ELMO2: variants seen among roughly 807,000 people sequenced by gnomAD.
ELMO2 encodes engulfment and cell motility 2.
In ELMO2, 37 loss-of-function variants were observed where a neutral mutation model predicts 96.2. The ratio of observed to expected loss-of-function variants is 0.38; its 90% CI spans 0.30 to 0.51. The LOEUF is 0.51. Ranked by LOEUF, ELMO2 falls within the 20% of genes least tolerant of loss-of-function variation. The probability of loss-of-function intolerance (pLI) is 0.88; values close to 1 mark genes in which losing one functional copy is unlikely to be tolerated. For missense variants in ELMO2, 561 were observed against 912.6 expected, an observed-to-expected ratio of 0.61 and a Z score of 4.96; for synonymous variants, 315 against 329.4, an observed-to-expected ratio of 0.96 and a Z score of 0.47.
At chr20:46,376,451 G>A (rs907761012) in intron 11 of ELMO2, among the ~76,000 whole-genome samples, 3 of 151,322 alleles carry the variant, frequency 2.0e-5, no homozygotes, top group Non-Finnish European at 4.4e-5. Context: ...CACTGTCTCT[G>A]TGCCCCCACA....
chr20:46,383,287 C>A (rs2059988439), intron 10 of ELMO2, 129 bp downstream of exon 10: 4 of 994,380 alleles, frequency 4.0e-6, no homozygotes, highest in Middle Eastern at 2.1e-4. Flanking sequence ...GGGCTCCAGA[C>A]CAGACAGCTA....
Position 46,380,264 on chromosome 20 carries a change from T to C in ELMO2, c.796A>G (p.Ile266Val). The change falls in exon 11 of 22, where the codon ATA (isoleucine) becomes GTA (valine). Residue 266 changes from isoleucine (I) to valine (V), a missense_variant. By Grantham distance (29) the Ile-to-Val change is conservative. Coordinates refer to ENST00000290246, the MANE Select transcript of ELMO2 (RefSeq NM_133171.5). ...TTCCAGGAACTCACATTCAGGATTATAGACCGGAGATGCTTCTGTGCAAAT... is the reference window on the plus strand; with the variant it reads ...TTCCAGGAACTCACATTCAGGATTACAGACCGGAGATGCTTCTGTGCAAAT... ...NAFAQKHLRS[I>V]ILNHVIRGNR... 1.2e-6 allele frequency: 2 copies of C among 1,613,548 alleles called. No individual in the cohort carries two copies. Among genetic ancestry groups the C allele is most frequent in the South Asian group, 1.1e-5 (1 of 91,030 alleles).
At chr20:46,392,644 C>A (rs962465805) in intron 6 of ELMO2, among the ~76,000 whole-genome samples, 11 of 152,230 alleles carry the variant, frequency 7.2e-5, no homozygotes, top group African/African-American at 2.7e-4. Context: ...CTACAAGCCT[C>A]CAGCCACCCA....
intron 11 of ELMO2, among the ~76,000 whole-genome samples, chr20:46,377,960 A>G (rs2059893619): frequency 6.6e-6 from 1 of 151,912 alleles, no homozygotes. Flanking sequence ...CCTCACTCTG[A>G]GGTTTTCTTC....
At chr20:46,368,578 GAGCCCAGCTC>G (rs2059630342) in intron 21 of ELMO2, among the ~76,000 whole-genome samples, 1 of 152,252 alleles carries the variant, frequency 6.6e-6, no homozygotes, top group Non-Finnish European at 1.5e-5. Context: ...GTAATGTGGA[GAGCCCAGCTC>G]ACAGATAAAC....
At chr20:46,405,904 G>T (rs1044413530) in intron 1 of ELMO2, among the ~76,000 whole-genome samples, 1 of 152,122 alleles carries the variant, frequency 6.6e-6, no homozygotes, top group Non-Finnish European at 1.5e-5. Context: ...CAAAAAAAAA[G>T]GAAAGGTTTC....
rs533680571 is a variant in ELMO2, at chr20:46,376,688, CCTCT to C, written c.808-902_808-899del. On this transcript the variant is annotated intron_variant, in intron 11 of 21. Transcript: ENST00000290246. ...TCTTGCTCCCTTGTATTTGTCACTC[CCTCT>C]GTCTCACCCACCATTATGAATCCTG... 499 of 1,289,484 alleles carry C rather than the reference CCTCT, an allele frequency of 3.9e-4. 1 individual carries two copies. The African/African-American group carries it at 6.1e-3, about 16-fold the overall frequency. The allele number at this position is 1,289,484 out of a possible 1,614,324, so 79.9% of individuals were successfully genotyped here.
intron 9 of ELMO2, among the ~76,000 whole-genome samples, chr20:46,384,026 C>A (rs1175589008): frequency 6.6e-6 from 1 of 152,036 alleles, no homozygotes; most frequent in Non-Finnish European, 1.5e-5. Context: ...TTAGAAAAAT[C>A]TTTGACATGG....
intron 11 of ELMO2, 199 bp downstream of exon 11, chr20:46,380,054 G>A (rs1793096717): frequency 2.9e-5 from 14 of 487,922 alleles, no homozygotes; most frequent in Non-Finnish European, 5.2e-5. Context: ...GCAATTGCTG[G>A]TGAGATGGCT....
rs549948182 is a variant in ELMO2, at chr20:46,375,766, T to C, written c.832A>G (p.Ile278Val). 6.2e-6 allele frequency: 10 copies of C among 1,614,168 alleles called. No individual in the cohort carries two copies. The highest frequency in any genetic ancestry group is 1.1e-5 in the South Asian group (1 of 91,084). Residue 278 changes from isoleucine to valine, a missense_variant, in exon 12 of 22, where the codon ATC becomes GTC. Coordinates refer to ENST00000290246, the MANE Select transcript of ELMO2 (RefSeq NM_133171.5). The surrounding 1 kb of genome is among the most constrained non-coding windows in gnomAD (Gnocchi z 4.6). ...LNHVIRGNRP[I>V]KTEMAHQLYV... ...AGCTGATGGGCCATCTCAGTTTTGA[T>C]GGGGCGGTTCCCTCGGATCACATGC...
chr20:46,380,112 A>C, intron 11 of ELMO2, 141 bp downstream of exon 11: 1 of 672,058 alleles, frequency 1.5e-6, no homozygotes, highest in Non-Finnish European at 2.5e-6. Flanking sequence ...AAAGCTATTC[A>C]GTTCAAGAGG....
rs371401108 is a variant in ELMO2, at chr20:46,386,182, G to A, written c.619C>T (p.Leu207=). 12 of 1,614,062 alleles carry A rather than the reference G, an allele frequency of 7.4e-6. No homozygotes were observed. The African/African-American group carries it at 1.3e-4, about 18-fold the overall frequency. Residue 207 remains leucine (L), a synonymous_variant, in exon 9 of 22, where the codon CTG becomes TTG. Coordinates refer to ENST00000290246, the MANE Select transcript of ELMO2 (RefSeq NM_133171.5). ...LESMVLNSQS[L]YQKIAEEITV... ...ATTTCCTCGGCTATCTTCTGGTACA[G>A]ACTCTGGCTGTTCAAGACCATGCTC... is the stretch of plus-strand genomic sequence containing the variant.
chr20:46,373,302 T>C (rs2059769201), intron 16 of ELMO2, 97 bp downstream of exon 16: 5 of 1,541,628 alleles, frequency 3.2e-6, no homozygotes, highest in Non-Finnish European at 3.5e-6. Context: ...CAAGCTGCTT[T>C]TCCAGCTCAG....
At chr20:46,367,866 C>T (rs1469603509) in intron 21 of ELMO2, among the ~76,000 whole-genome samples, 1 of 151,994 alleles carries the variant, frequency 6.6e-6, no homozygotes, top group Non-Finnish European at 1.5e-5. Flanking sequence ...CCTGAAGTTA[C>T]CCAAAATCAG....
At chr20:46,406,443 A>T (rs1234548470) in intron 1 of ELMO2, 105 bp downstream of exon 1, 12 of 152,346 alleles carry the variant, frequency 7.9e-5, no homozygotes, top group Admixed American at 7.9e-4. Context: ...TCCGGAGCAG[A>T]CGCTAGCCGC....
Position 46,382,665 on chromosome 20 carries a change from C to A in ELMO2, c.756+751G>T, listed in dbSNP as rs1417077118. On this transcript the variant is annotated intron_variant, in intron 10 of 21. Coordinates refer to ENST00000290246, the MANE Select transcript of ELMO2 (RefSeq NM_133171.5). ...ATACTTAGTCCCAGGCCCCTCGGCT[C>A]TTAGGTCAGTGTTTGTTCCACCACC... is the stretch of plus-strand genomic sequence containing the variant. 2.0e-5 allele frequency among the ~76,000 whole-genome samples: 3 copies of A among 152,198 alleles called. No homozygotes were observed. In the East Asian group the frequency reaches 5.8e-4, roughly 29 times the overall value.
Position 46,380,306 on chromosome 20 carries a change from G to A in ELMO2, c.757-3C>T, listed in dbSNP as rs376008960. 1.2e-6 allele frequency: 2 copies of A among 1,612,474 alleles called. No homozygotes were observed. Among genetic ancestry groups the A allele is most frequent in the African/African-American group, 2.7e-5 (2 of 74,890 alleles). ...TGTGCAAATGCATTTGCCATATCCT[G>A]TGGAGGAAAATAAGCAAATATAAGG... is the stretch of plus-strand genomic sequence containing the variant. On this transcript the variant is annotated splice_polypyrimidine_tract_variant and splice_region_variant and intron_variant, in intron 10 of 21. Transcript: ENST00000290246.
Position 46,366,707 on chromosome 20 carries a change from C to T in ELMO2, c.*653G>A, listed in dbSNP as rs1037392606. The stretch of plus-strand genomic sequence containing the variant: ...ACTTGGCCAGGAGGTCTTTGACTTG[C>T]TGGGATGAGACTGAGCGCTTGCAGG... On this transcript the variant is annotated 3_prime_UTR_variant, in exon 22 of 22. Coordinates refer to ENST00000290246, the MANE Select transcript of ELMO2 (RefSeq NM_133171.5). 4.6e-5 allele frequency: 7 copies of T among 152,612 alleles called. No individual in the cohort carries two copies. The highest frequency in any genetic ancestry group is 1.7e-4 in the African/African-American group (7 of 41,452). 9.5% of individuals were successfully genotyped at this position (152,612 alleles called of 1,614,324 possible). A position where few individuals can be genotyped will look rare whatever the true frequency, so the allele number is the denominator to read the frequency against.
intron 2 of ELMO2, among the ~76,000 whole-genome samples, chr20:46,395,366 C>A (rs2060225479): frequency 6.6e-6 from 1 of 152,214 alleles, no homozygotes; most frequent in African/African-American, 2.4e-5. Flanking sequence ...AAAGCATTCT[C>A]TCTCCAAGGT....
Sources: gnomAD v4.1 joint callset for allele counts (sites outside exome capture counted in the v4.1 genomes callset) on GRCh38, gnomAD v4.1.1 for gene constraint, Gnocchi (gnomAD v3.1) non-coding constraint, MANE v1.5 for transcripts, NCBI Gene and HGNC (gene_info 2026-07-23, HGNC 2026-07-21) for gene names.